The following ATP2A3 variants were observed in gnomAD, a reference collection of about 807,000 sequenced individuals.
ATP2A3 encodes sarcoplasmic/endoplasmic reticulum calcium ATPase 3.
A neutral mutation model predicts 106.8 loss-of-function variants in ATP2A3; 61 were observed. That is an observed-to-expected ratio of 0.57 (90% CI 0.46 to 0.71). The LOEUF (loss-of-function observed/expected upper bound fraction) is 0.71, where lower values mean the gene tolerates loss of function less well. ATP2A3 is among the 30% of genes least tolerant of loss of function. ATP2A3 has a pLI of 0.00. For missense variants in ATP2A3, 1,201 were observed against 1,423.5 expected, an observed-to-expected ratio of 0.84 and a Z score of 2.52; for synonymous variants, 611 against 609.3, an observed-to-expected ratio of 1.00 and a Z score of -0.04.
At position 3,945,043 on chromosome 17, in the gene ATP2A3, C is replaced by A. The variant is rs952772140; in HGVS notation, c.1184+17G>T. The A allele has an allele frequency of 6.6e-7, 1 of 1,517,380 alleles. No homozygotes were observed. The highest frequency in any genetic ancestry group is 2.1e-5 in the Admixed American group (1 of 48,526). 94.0% of individuals were successfully genotyped at this position (1,517,380 alleles called of 1,614,324 possible). A position where few individuals can be genotyped will look rare whatever the true frequency, so the allele number is the denominator to read the frequency against. On this transcript the variant is annotated intron_variant, in intron 9 of 20. Transcript: ENST00000397041. ...CCCCAGGCCGCCCGCCCGCGCGTCCCCTGGCCCCGCACTCACACTTCGCCC... is the reference window on the plus strand; with the variant it reads ...CCCCAGGCCGCCCGCCCGCGCGTCCACTGGCCCCGCACTCACACTTCGCCC...
chr17:3,930,615 G>A lies in ATP2A3; in HGVS notation c.2611-181C>T. ...CGGGGTCGGGGCGGCGGTGGGGAGA[G>A]CTGCACCGTGCCAGGGAGAAGCAAG... On this transcript the variant is annotated intron_variant, in intron 17 of 20. Coordinates refer to ENST00000397041, the MANE Select transcript of ATP2A3 (RefSeq NM_005173.4). This position sits in a 1 kb window ranked among gnomAD's most constrained non-coding sequence, Gnocchi z 5.4. 3.7e-6 allele frequency: 3 copies of A among 803,156 alleles called. No individual in the cohort carries two copies. In the South Asian group the frequency reaches 4.8e-5, roughly 13 times the overall value. The allele number at this position is 803,156 out of a possible 1,614,324, so 49.8% of individuals were successfully genotyped here.
At chr17:3,960,439 T>G (rs2055074522) in intron 1 of ATP2A3, among the ~76,000 whole-genome samples, 1 of 152,196 alleles carries the variant, frequency 6.6e-6, no homozygotes, top group Admixed American at 6.5e-5. Context: ...AAGGCAGGCT[T>G]CTGCCCGGCC....
intron 17 of ATP2A3, among the ~76,000 whole-genome samples, chr17:3,931,974 G>A (rs2053127746): frequency 6.6e-6 from 1 of 152,176 alleles, no homozygotes; most frequent in South Asian, 2.1e-4. Context: ...GCCACTCTGA[G>A]TATCGTTTCT....
chr17:3,964,437 C>T lies in ATP2A3; in HGVS notation c.-146G>A. 3.6e-6 allele frequency: 1 copy of T among 277,734 alleles called. No homozygotes were observed. The highest frequency in any genetic ancestry group is 5.8e-6 in the Non-Finnish European group (1 of 173,318). 17.2% of individuals were successfully genotyped at this position (277,734 alleles called of 1,614,324 possible). On this transcript the variant is annotated 5_prime_UTR_variant, in exon 1 of 21. Transcript: ENST00000397041. ...CTGGGACCTTACCCGACGGCAGTGGCGGCGGCGGCCCCGGCCCGCGCCAGG... is the reference window on the plus strand; with the variant it reads ...CTGGGACCTTACCCGACGGCAGTGGTGGCGGCGGCCCCGGCCCGCGCCAGG...
intron 17 of ATP2A3, among the ~76,000 whole-genome samples, chr17:3,934,168 C>T (rs2053288153): frequency 6.6e-6 from 1 of 152,068 alleles, no homozygotes; most frequent in South Asian, 2.1e-4. Context: ...AAGTGATCCG[C>T]CCACCTCGGC....
rs1010694768 is a variant in ATP2A3, at chr17:3,944,746, G to A, written c.1245C>T (p.Thr415=). Residue 415 remains threonine (T), a synonymous_variant, in exon 10 of 21, where the codon ACC becomes ACT. Coordinates refer to ENST00000397041, the MANE Select transcript of ATP2A3 (RefSeq NM_005173.4). The part of the protein sequence containing the change: ...GQFDGLVELA[T]ICALCNDSAL... ...CCGAGTCGTTGCACAGGGCGCAGAT[G>A]GTCGCCAGCTCCACCAGCCCGTCGA... 8 of 1,613,296 alleles carry A rather than the reference G, an allele frequency of 5.0e-6. No homozygotes were observed. The South Asian group carries it at 6.6e-5, about 13-fold the overall frequency.
At position 3,924,862 on chromosome 17, in the gene ATP2A3, G is replaced by A. The variant is rs1439694418; in HGVS notation, c.*560C>T. On this transcript the variant is annotated 3_prime_UTR_variant, in exon 21 of 21. Coordinates refer to ENST00000397041, the MANE Select transcript of ATP2A3 (RefSeq NM_005173.4). The surrounding 1 kb of genome is among the most constrained non-coding windows in gnomAD (Gnocchi z 6.4). ...GGAGCCGACTTTGTGGAAGCAGAGTGGAGTGGAGGGGGCTGCCCACCCTCG... is the reference window on the plus strand; with the variant it reads ...GGAGCCGACTTTGTGGAAGCAGAGTAGAGTGGAGGGGGCTGCCCACCCTCG... The A allele has an allele frequency of 2.2e-6, 1 of 456,806 alleles. No homozygotes were observed. The allele number at this position is 456,806 out of a possible 1,614,324, so 28.3% of individuals were successfully genotyped here.
At chr17:3,940,054 T>G (rs1233797469) in intron 14 of ATP2A3, among the ~76,000 whole-genome samples, 2 of 141,802 alleles carry the variant, frequency 1.4e-5, no homozygotes, top group South Asian at 4.4e-4. Flanking sequence ...TTTTTTGTTT[T>G]TTTTTTTTTT....
At chr17:3,950,162 A>AATT in intron 7 of ATP2A3, among the ~76,000 whole-genome samples, 1 of 138,566 alleles carries the variant, frequency 7.2e-6, no homozygotes. Flanking sequence ...AAAAAAAAAT[A>AATT]TTTTTTTTTT....
chr17:3,950,404 T>C (rs1715234237), intron 7 of ATP2A3, 107 bp downstream of exon 7: 1 of 1,183,758 alleles, frequency 8.4e-7, no homozygotes, highest in African/African-American at 1.5e-5. Context: ...CCTCAGGTGA[T>C]CCACCCACCT....
At position 3,925,527 on chromosome 17, in the gene ATP2A3, A is replaced by G; in HGVS notation, c.2981-86T>C. On this transcript the variant is annotated intron_variant, in intron 20 of 20. Transcript: ENST00000397041. The surrounding 1 kb of genome is among the most constrained non-coding windows in gnomAD (Gnocchi z 4.2). ...TTCCTTCCAGCCCCTTCCATCCTCC[A>G]CTTCTCCCAGGACAGCCCCAGGCTC... 6.6e-7 allele frequency: 1 copy of G among 1,515,610 alleles called. No homozygotes were observed. The highest frequency in any genetic ancestry group is 2.4e-5 in the East Asian group (1 of 42,028). The allele number at this position is 1,515,610 out of a possible 1,614,324, so 93.9% of individuals were successfully genotyped here.
chr17:3,939,516 C>G (rs935990062), intron 14 of ATP2A3, among the ~76,000 whole-genome samples: 1 of 152,100 alleles, frequency 6.6e-6, no homozygotes, highest in South Asian at 2.1e-4. Context: ...AGGCCGGGCG[C>G]GGTGGCTCAT....
intron 1 of ATP2A3, among the ~76,000 whole-genome samples, chr17:3,963,255 C>T (rs1235996204): frequency 2.0e-5 from 3 of 152,224 alleles, no homozygotes; most frequent in African/African-American, 7.2e-5. Flanking sequence ...ACCCAGGCTG[C>T]CCTCTGTAGA....
Position 3,964,342 on chromosome 17 carries a change from G to T in ATP2A3, c.-51C>A. Reference sequence around the variant, plus strand: ...TCCGCACCGTCGAGGCCGCCTCTCCGCCGGGGGGCTACAAAGCGGGGCGCG... The same window carrying T: ...TCCGCACCGTCGAGGCCGCCTCTCCTCCGGGGGGCTACAAAGCGGGGCGCG... On this transcript the variant is annotated 5_prime_UTR_variant, in exon 1 of 21. Transcript: ENST00000397041. 9.6e-7 allele frequency: 1 copy of T among 1,043,382 alleles called. No individual in the cohort carries two copies. The highest frequency in any genetic ancestry group is 3.5e-5 in the South Asian group (1 of 28,906). 64.6% of individuals were successfully genotyped at this position (1,043,382 alleles called of 1,614,324 possible).
chr17:3,947,492 T>C lies in ATP2A3; in HGVS notation c.994A>G (p.Ile332Val), dbSNP rs1158378528. The C allele has an allele frequency of 4.3e-6, 7 of 1,613,516 alleles. No individual in the cohort carries two copies. The highest frequency in any genetic ancestry group is 5.9e-6 in the Non-Finnish European group (7 of 1,180,042). The change falls in exon 8 of 21, where the codon ATC (isoleucine) becomes GTC (valine). Residue 332 changes from isoleucine (I) to valine (V), a missense_variant. By Grantham distance (29) the Ile-to-Val change is conservative. Around this residue, in one of 2 missense-constraint regions of ATP2A3, gnomAD observed 935 missense variants for 1,176.7 expected, o/e 0.79. Transcript: ENST00000397041. This position sits in a 1 kb window ranked among gnomAD's most constrained non-coding sequence, Gnocchi z 7.7. ...GTRRMARKNA[I>V]VRSLPSVETL... is the part of the protein sequence containing the mutation. ...TCCACGGACGGCAGGCTTCGCACGA[T>C]GGCGTTCTTGCGTGCCATGCGCCGC...
intron 1 of ATP2A3, among the ~76,000 whole-genome samples, chr17:3,954,118 T>C (rs939902209): frequency 5.3e-5 from 8 of 152,094 alleles, no homozygotes; most frequent in African/African-American, 1.9e-4. Context: ...CTTCCTTAGA[T>C]GGCCGCAGAG....
At chr17:3,932,801 C>G (rs1407590181) in intron 17 of ATP2A3, among the ~76,000 whole-genome samples, 1 of 151,650 alleles carries the variant, frequency 6.6e-6, no homozygotes, top group East Asian at 1.9e-4. Flanking sequence ...TCTACCCACC[C>G]AGTGACCGAG....
In ATP2A3 at chr17:3,937,508, G is replaced by A. The variant is rs762087979; in HGVS notation, c.2229C>T (p.Ile743=). 5.6e-5 allele frequency: 91 copies of A among 1,614,002 alleles called. 2 individuals are homozygous for A. In the Middle Eastern group the frequency reaches 7.1e-3, roughly 126 times the overall value. ...CCCGGCCCTCCTCCACCGCAGCCAC[G>A]ATGGAGGCAAAGTTGTCATCTGACA... ...MVLSDDNFAS[I]VAAVEEGRAI... The change falls in exon 15 of 21, where the codon ATC becomes ATT. Residue 743 remains isoleucine (I), a synonymous_variant. Coordinates refer to ENST00000397041, the MANE Select transcript of ATP2A3 (RefSeq NM_005173.4).
Position 3,941,031 on chromosome 17 carries a change from C to A in ATP2A3, c.2040G>T (p.Glu680Asp). Residue 680 changes from glutamate (E) to aspartate (D), a missense_variant, in exon 14 of 21, where the codon GAG (glutamate) becomes GAT (aspartate). Glu to Asp is a conservative substitution (Grantham distance 45, BLOSUM62 2). This residue lies in a region of ATP2A3 where 935 missense variants were observed against 1,176.7 expected (regional missense o/e 0.79). Coordinates refer to ENST00000397041, the MANE Select transcript of ATP2A3 (RefSeq NM_005173.4). ...CCACGATGCGGGACTTGTGTGCGGG[C>A]TCCACGCGGGCGAAGCAGCGGGCGG... ...CRTARCFARV[E>D]PAHKSRIVEN... The A allele has an allele frequency of 6.2e-7, 1 of 1,613,930 alleles. No homozygotes were observed. Among genetic ancestry groups the A allele is most frequent in the Non-Finnish European group, 8.5e-7 (1 of 1,179,814 alleles).
Sources: allele counts gnomAD v4.1 joint callset (sites outside exome capture counted in the v4.1 genomes callset), GRCh38; gene constraint gnomAD v4.1.1; regional missense constraint gnomAD v4.1.1; non-coding constraint Gnocchi (gnomAD v3.1); transcripts MANE v1.5; gene names NCBI Gene and HGNC (gene_info 2026-07-23, HGNC 2026-07-21).